Variants in ALG12 observed in about 807,000 individuals in gnomAD.
The protein encoded by ALG12 is dol-P-Man:Man(7)GlcNAc(2)-PP-Dol alpha-1,6-mannosyltransferase.
In ALG12, 36 loss-of-function variants were observed where a neutral mutation model predicts 46.0. The observed-to-expected ratio is 0.78, with a 90% CI of 0.60 to 1.03. The LOEUF (loss-of-function observed/expected upper bound fraction) is 1.03. Among genes scored for constraint, ALG12 ranks in the 50% least tolerant of loss-of-function variants. The pLI, the probability that ALG12 is intolerant of heterozygous loss-of-function variation, is 0.00. For synonymous variants in ALG12, 326 were observed against 291.6 expected (o/e 1.12, Z -1.20); for missense variants, 599 against 633.5 (o/e 0.95, Z 0.58).
In ALG12 at chr22:49,907,773, T is replaced by A; in HGVS notation, c.940A>T (p.Ile314Phe). 6.2e-7 allele frequency: 1 copy of A among 1,614,040 alleles called. No individual in the cohort carries two copies. Among genetic ancestry groups the A allele is most frequent in the Non-Finnish European group, 8.5e-7 (1 of 1,179,996 alleles). ...LLPHKELRFI[I>F]YAFPMLNITA... ...ATGTTGAGCATGGGGAAGGCATAGA[T>A]GATGAAGCGTAGCTCCTTGTGTGGC... Residue 314 changes from isoleucine to phenylalanine, a missense_variant, in exon 7 of 10, where the codon ATC (isoleucine) becomes TTC (phenylalanine). Physicochemically the swap from Ile to Phe is conservative, Grantham distance 21. Coordinates refer to ENST00000330817, the MANE Select transcript of ALG12 (RefSeq NM_024105.4).
chr22:49,902,430 G>A lies in ALG12; in HGVS notation c.*1408C>T, dbSNP rs1318638316. On this transcript the variant is annotated 3_prime_UTR_variant, in exon 10 of 10. Coordinates refer to ENST00000330817, the MANE Select transcript of ALG12 (RefSeq NM_024105.4). Reference sequence around the variant, plus strand: ...TGCACATGTGCACTGTGTATGCATGGTGTGTGCACGTGTGCACTGTGTATG... The same window carrying A: ...TGCACATGTGCACTGTGTATGCATGATGTGTGCACGTGTGCACTGTGTATG... 1.5e-5 allele frequency: 2 copies of A among 136,400 alleles called. No individual in the cohort carries two copies. Among genetic ancestry groups the A allele is most frequent in the Non-Finnish European group, 3.1e-5 (2 of 65,384 alleles). The allele number at this position is 136,400 out of a possible 1,614,324, so 8.4% of individuals were successfully genotyped here.
chr22:49,885,022 A>C, the ALG12 span: 1 of 1,613,064 alleles, frequency 6.2e-7, no homozygotes, highest in Non-Finnish European at 8.5e-7. Flanking sequence ...TAAAAAGGTC[A>C]TGAAAAGACT....
intron 3 of ALG12, among the ~76,000 whole-genome samples, 169 bp downstream of exon 3, chr22:49,913,216 G>A (rs537016393): frequency 3.9e-5 from 6 of 152,352 alleles, no homozygotes; most frequent in African/African-American, 1.2e-4. Flanking sequence ...TGACTCAGAC[G>A]TCTTAGGCCT....
chr22:49,910,884 C>T lies in ALG12; in HGVS notation c.296-277G>A, dbSNP rs550965760. 9.9e-5 allele frequency among the ~76,000 whole-genome samples: 15 copies of T among 152,276 alleles called. No homozygotes were observed. The East Asian group carries it at 2.7e-3, about 27-fold the overall frequency. ...AGGGAGGACACACAACTTGGGGGTG[C>T]CACGAGCTGAGCCCTACACTAAACC... is the stretch of plus-strand genomic sequence containing the variant. On this transcript the variant is annotated intron_variant, in intron 3 of 9. Transcript: ENST00000330817.
chr22:49,868,384 A>G, the ALG12 span, among the ~76,000 whole-genome samples: 1 of 152,230 alleles, frequency 6.6e-6, no homozygotes, highest in Admixed American at 6.5e-5. Context: ...GTTCGACACC[A>G]GCCTGGGCAA....
Position 49,910,428 on chromosome 22 carries a change from A to G in ALG12, c.469+6T>C. On this transcript the variant is annotated splice_donor_region_variant and intron_variant, in intron 4 of 9. Transcript: ENST00000330817. ...GGGTGTGCAGGCCCGGCCGGCAGCT[A>G]CGTACCTACAGGCAGGGCCAGCACA... The G allele has an allele frequency of 6.2e-7, 1 of 1,613,198 alleles. No homozygotes were observed. Among genetic ancestry groups the G allele is most frequent in the East Asian group, 2.2e-5 (1 of 44,882 alleles).
chr22:49,877,552 C>T, the ALG12 span, among the ~76,000 whole-genome samples: 2 of 152,114 alleles, frequency 1.3e-5, no homozygotes, highest in Admixed American at 6.5e-5. Context: ...CTTGGCCTCC[C>T]AAAGTGCTGG....
chr22:49,905,589 T>G lies in ALG12; in HGVS notation c.993-1083A>C, dbSNP rs2060537963. Among the ~76,000 whole-genome samples, 3 of 152,212 alleles carry G rather than the reference T, an allele frequency of 2.0e-5. No individual in the cohort carries two copies. Among genetic ancestry groups the G allele is most frequent in the Admixed American group, 2.0e-4 (3 of 15,280 alleles). On this transcript the variant is annotated intron_variant, in intron 7 of 9. Transcript: ENST00000330817. The surrounding 1 kb of genome is among the most constrained non-coding windows in gnomAD (Gnocchi z 4.9). ...ACACCTCCCCCGTCCCTCTTCGTCC[T>G]GCTTTGGCCACATAAAAGCGTGCCC...
chr22:49,900,004 T>A (rs533455446), downstream of ALG12, among the ~76,000 whole-genome samples: 98 of 151,660 alleles, frequency 6.5e-4, no homozygotes, highest in Non-Finnish European at 7.4e-5. Context: ...TCAAGAAAAA[T>A]TTTTTAAAAA....
chr22:49,870,753 T>C, the ALG12 span, among the ~76,000 whole-genome samples: 753 of 152,264 alleles, frequency 4.9e-3, 1 homozygote, highest in African/African-American at 0.017. Context: ...TTTTCTCTTA[T>C]TCAGTGGGTT....
intron 7 of ALG12, 129 bp downstream of exon 7, chr22:49,907,592 C>G: frequency 9.1e-7 from 1 of 1,099,292 alleles, no homozygotes; most frequent in Non-Finnish European, 1.3e-6. Context: ...GTAAGCCCCA[C>G]TCCAGCTGGG....
the ALG12 span, chr22:49,888,462 G>T: frequency 6.0e-6 from 1 of 167,216 alleles, no homozygotes; most frequent in Non-Finnish European, 1.5e-5. Flanking sequence ...GCAGACACTG[G>T]CTTTTTATTT....
At chr22:49,871,822 T>A in the ALG12 span, among the ~76,000 whole-genome samples, 1 of 151,442 alleles carries the variant, frequency 6.6e-6, no homozygotes, top group Non-Finnish European at 1.5e-5. Context: ...TGGTGTGATC[T>A]CAGCTCACTA....
At chr22:49,883,846 G>A in the ALG12 span, 8,219 of 1,609,782 alleles carry the variant, frequency 5.1e-3, 72 homozygotes, top group South Asian at 0.026. Context: ...AGCGGGCCTC[G>A]GTGGGACGGG....
At chr22:49,895,334 T>C (rs1320062392), downstream of ALG12, among the ~76,000 whole-genome samples, 1 of 152,162 alleles carries the variant, frequency 6.6e-6, no homozygotes. Flanking sequence ...GTTGGATTTG[T>C]GACAGGGAAT....
At chr22:49,884,052 C>T in the ALG12 span, 7 of 1,604,718 alleles carry the variant, frequency 4.4e-6, no homozygotes, top group Middle Eastern at 1.7e-4. Context: ...CTCCCCGAGA[C>T]AGCACTAAAG....
rs976544851 is a variant in ALG12, at chr22:49,900,982, G to A, written c.*2856C>T. 6.6e-6 allele frequency: 1 copy of A among 152,274 alleles called. No individual in the cohort carries two copies. Among genetic ancestry groups the A allele is most frequent in the African/African-American group, 2.4e-5 (1 of 41,460 alleles). 9.4% of individuals were successfully genotyped at this position (152,274 alleles called of 1,614,324 possible). On this transcript the variant is annotated 3_prime_UTR_variant, in exon 10 of 10. Transcript: ENST00000330817. Reference sequence around the variant, plus strand: ...CCACAGAGCAATGGCCGAGGCCAGAGGCCCAAGAGGACGCCCTGCCATGCC... The same window carrying A: ...CCACAGAGCAATGGCCGAGGCCAGAAGCCCAAGAGGACGCCCTGCCATGCC...
At chr22:49,878,950 G>A in the ALG12 span, among the ~76,000 whole-genome samples, 5 of 151,612 alleles carry the variant, frequency 3.3e-5, no homozygotes, top group African/African-American at 9.7e-5. Context: ...AGAGACCATC[G>A]TGGCCAACAT....
chr22:49,882,865 A>T, the ALG12 span, among the ~76,000 whole-genome samples: 5 of 152,250 alleles, frequency 3.3e-5, no homozygotes, highest in African/African-American at 1.2e-4. Flanking sequence ...TCCGTTTCCT[A>T]TTCAGCTTTT....
Sources: gnomAD v4.1 joint callset for allele counts (sites outside exome capture counted in the v4.1 genomes callset) on GRCh38, gnomAD v4.1.1 for gene constraint, Gnocchi (gnomAD v3.1) non-coding constraint, MANE v1.5 for transcripts, NCBI Gene and HGNC (gene_info 2026-07-23, HGNC 2026-07-21) for gene names.